Variants in SLC37A1 observed in about 807,000 individuals in gnomAD.
SLC37A1 encodes the protein glucose-6-phosphate exchanger SLC37A1.
SLC37A1 carries 49 observed loss-of-function variants against 75.3 expected under a neutral mutation model. The observed-to-expected ratio is 0.65, with a 90% confidence interval of 0.52 to 0.83. SLC37A1 has a LOEUF of 0.83. SLC37A1 is among the 40% of genes least tolerant of loss of function. The probability of loss-of-function intolerance (pLI) is 0.00; values close to 1 mark genes in which losing one functional copy is unlikely to be tolerated. For missense variants in SLC37A1, 566 were observed against 695.0 expected, an observed-to-expected ratio of 0.81 and a Z score of 2.09; for synonymous variants, 268 against 292.1, an observed-to-expected ratio of 0.92 and a Z score of 0.84.
chr21:42,535,350 AC>A lies in SLC37A1; in HGVS notation c.272-120del. Reference sequence around the variant, plus strand: ...CACCGCCTTGTTTTCTATGTGGAAAACCACGCGTTTCACTAAGTACACCCCG... The same window carrying A: ...CACCGCCTTGTTTTCTATGTGGAAAACACGCGTTTCACTAAGTACACCCCG... On this transcript the variant is annotated intron_variant, in intron 4 of 19. Transcript: ENST00000352133. The A allele has an allele frequency of 3.8e-6, 3 of 789,712 alleles. No homozygotes were observed. The East Asian group carries it at 7.4e-5, about 20-fold the overall frequency. 48.9% of individuals were successfully genotyped at this position (789,712 alleles called of 1,614,324 possible).
chr21:42,564,812 C>A lies in SLC37A1; in HGVS notation c.1221+19C>A. 6.2e-7 allele frequency: 1 copy of A among 1,600,410 alleles called. No homozygotes were observed. Among genetic ancestry groups the A allele is most frequent in the Non-Finnish European group, 8.5e-7 (1 of 1,178,688 alleles). ...CCCCACGGTCAGCCGTGCTGCCTTC[C>A]CTGGGCCCCAAAGCCTGCAGACAGT... On this transcript the variant is annotated intron_variant, in intron 14 of 19. Transcript: ENST00000352133.
At chr21:42,563,511 C>G (rs228102) in intron 12 of SLC37A1, among the ~76,000 whole-genome samples, 116,319 of 151,382 alleles carry the variant, frequency 0.77, 44,966 homozygotes, top group East Asian at 0.93. Context: ...CAGGCGCCTT[C>G]CACACCTCCA....
In SLC37A1 at chr21:42,564,708, G is replaced by A. The variant is rs143761124; in HGVS notation, c.1136G>A (p.Gly379Asp). ...STLFDVGGIF[G>D]GILAGVISDR... ...CCTGAAGCCCGCCTCTCCGTTGCAG[G>A]TGGGATCCTGGCAGGTGTGATCTCA... The change falls in exon 14 of 20, where the codon GGT (glycine) becomes GAT (aspartate). Residue 379 changes from glycine (G) to aspartate (D), a missense_variant and splice_region_variant. Physicochemically the swap from Gly to Asp is moderately conservative, Grantham distance 94. Transcript: ENST00000352133. 1.3e-5 allele frequency: 21 copies of A among 1,611,102 alleles called. No individual in the cohort carries two copies. Among genetic ancestry groups the A allele is most frequent in the South Asian group, 2.2e-5 (2 of 91,070 alleles).
intron 18 of SLC37A1, chr21:42,576,040 T>A: frequency 1.2e-6 from 1 of 805,776 alleles, no homozygotes; most frequent in Non-Finnish European, 1.5e-6. Flanking sequence ...CATAAGAAAG[T>A]AAAGGAACTC....
intron 1 of SLC37A1, among the ~76,000 whole-genome samples, chr21:42,516,900 T>C (rs1239748352): frequency 6.6e-6 from 1 of 152,192 alleles, no homozygotes; most frequent in Non-Finnish European, 1.5e-5. Flanking sequence ...CAAAGTCATT[T>C]CCCAGAGTAG....
At chr21:42,528,304 G>C (rs1443418074) in intron 3 of SLC37A1, among the ~76,000 whole-genome samples, 1 of 152,218 alleles carries the variant, frequency 6.6e-6, no homozygotes, top group Non-Finnish European at 1.5e-5. Context: ...CTGTGGCCTA[G>C]CCTCAGGACT....
chr21:42,544,738 G>A (rs1364624356), intron 8 of SLC37A1, among the ~76,000 whole-genome samples: 1 of 152,226 alleles, frequency 6.6e-6, no homozygotes, highest in African/African-American at 2.4e-5. Context: ...TTCAGCTCTG[G>A]CTGGTGTGTC....
chr21:42,534,131 C>T (rs751215266), intron 3 of SLC37A1, among the ~76,000 whole-genome samples: 14 of 152,146 alleles, frequency 9.2e-5, no homozygotes, highest in Non-Finnish European at 1.8e-4. Flanking sequence ...TTTAGGTAAC[C>T]GTGACTCTCA....
intron 12 of SLC37A1, 123 bp from the exon 13 acceptor site, chr21:42,563,692 C>T: frequency 3.8e-6 from 3 of 796,228 alleles, no homozygotes; most frequent in Non-Finnish European, 6.3e-6. Context: ...ACTAATTGCT[C>T]CTCGGTATAA....
chr21:42,544,895 G>T (rs2055368491), intron 8 of SLC37A1, among the ~76,000 whole-genome samples: 1 of 152,228 alleles, frequency 6.6e-6, no homozygotes, highest in Non-Finnish European at 1.5e-5. Flanking sequence ...GCGCACAGGG[G>T]CCCCTGGGTG....
In SLC37A1 at chr21:42,525,056, C is replaced by T. The variant is rs142680168; in HGVS notation, c.57-720C>T. 1.3e-3 allele frequency among the ~76,000 whole-genome samples: 197 copies of T among 152,320 alleles called. No individual in the cohort carries two copies. The East Asian group carries it at 0.032, about 25-fold the overall frequency. On this transcript the variant is annotated intron_variant, in intron 2 of 19. Coordinates refer to ENST00000352133, the MANE Select transcript of SLC37A1 (RefSeq NM_001320537.2). ...ATGAGGCCTCCACAGACTCCCTCAACGACAGCGTTTGGGGGCTTGCAGGCT... is the reference window on the plus strand; with the variant it reads ...ATGAGGCCTCCACAGACTCCCTCAATGACAGCGTTTGGGGGCTTGCAGGCT...
At position 42,564,760 on chromosome 21, in the gene SLC37A1, C is replaced by T. The variant is rs756957492; in HGVS notation, c.1188C>T (p.Thr396=). Residue 396 remains threonine, a synonymous_variant, in exon 14 of 20, where the codon ACC becomes ACT. Transcript: ENST00000352133. ...ACCGACTGGAGAAAAGGGCCTCCAC[C>T]TGCGGCCTGATGCTGCTGCTCGCGG... ...ISDRLEKRAS[T]CGLMLLLAAP... is the part of the protein sequence containing the mutation. 1 of 1,608,998 alleles carries T rather than the reference C, an allele frequency of 6.2e-7. No individual in the cohort carries two copies. The highest frequency in any genetic ancestry group is 8.5e-7 in the Non-Finnish European group (1 of 1,179,996).
At chr21:42,527,776 G>GATTT (rs1393689638) in intron 3 of SLC37A1, among the ~76,000 whole-genome samples, 1 of 152,224 alleles carries the variant, frequency 6.6e-6, no homozygotes, top group East Asian at 1.9e-4. Context: ...TAAACGCACA[G>GATTT]ATTTCCTGAC....
At chr21:42,542,792 G>A (rs774379867) in intron 7 of SLC37A1, among the ~76,000 whole-genome samples, 1 of 152,246 alleles carries the variant, frequency 6.6e-6, no homozygotes, top group Admixed American at 6.5e-5. Flanking sequence ...TGAAGCCAAA[G>A]CTACATGTTA....
At chr21:42,532,414 A>C (rs2055009866) in intron 3 of SLC37A1, among the ~76,000 whole-genome samples, 1 of 152,186 alleles carries the variant, frequency 6.6e-6, no homozygotes, top group African/African-American at 2.4e-5. Context: ...ATTCTCCCTC[A>C]GCCGGGGAAT....
At chr21:42,518,633 C>T in intron 2 of SLC37A1, 123 bp downstream of exon 2, 2 of 1,115,722 alleles carry the variant, frequency 1.8e-6, no homozygotes, top group Non-Finnish European at 2.6e-6. Flanking sequence ...TGACCTCACC[C>T]ATAACCGTTG....
intron 18 of SLC37A1, 40 bp from the exon 19 acceptor site, chr21:42,579,696 T>G (rs762121983): frequency 6.2e-7 from 1 of 1,612,872 alleles, no homozygotes; most frequent in Admixed American, 1.7e-5. Context: ...GCCCTGTGCC[T>G]GCTCCAGTAA....
chr21:42,568,283 TA>T (rs1454057109), intron 16 of SLC37A1, 76 bp from the exon 17 acceptor site: 1 of 1,158,982 alleles, frequency 8.6e-7, no homozygotes, highest in Non-Finnish European at 1.3e-6. Flanking sequence ...GCAGTTTGAG[TA>T]AATGGTCATA....
rs190191884 is a variant in SLC37A1 at position 42,554,912 on chromosome 21, G to C, written c.849+770G>C. ...AAGCTGCAGCGGGCATTTTAAATTT[G>C]AGTTTAATCATTGAAGTTATAAGCT... is the stretch of plus-strand genomic sequence containing the variant. On this transcript the variant is annotated intron_variant, in intron 10 of 19. Coordinates refer to ENST00000352133, the MANE Select transcript of SLC37A1 (RefSeq NM_001320537.2). Among the ~76,000 whole-genome samples the C allele has an allele frequency of 4.8e-3, 725 of 151,318 alleles. 4 individuals carry two copies. The highest frequency in any genetic ancestry group is 8.4e-3 in the Non-Finnish European group (568 of 67,864).
Sources: gnomAD v4.1 joint callset for allele counts (sites outside exome capture counted in the v4.1 genomes callset) on GRCh38, gnomAD v4.1.1 for gene constraint, MANE v1.5 for transcripts, NCBI Gene and HGNC (gene_info 2026-07-23, HGNC 2026-07-21) for gene names.